The following HIP1 variants were observed in gnomAD, a reference collection of about 807,000 sequenced individuals.
The protein encoded by HIP1 is huntingtin-interacting protein 1.
In HIP1, 65 loss-of-function variants were observed where a neutral mutation model predicts 147.6. That is an observed-to-expected ratio of 0.44 (90% CI 0.36 to 0.54). HIP1 has a LOEUF of 0.54. Among genes scored for constraint, HIP1 ranks in the 20% least tolerant of loss-of-function variants. The pLI, the probability that HIP1 is intolerant of heterozygous loss-of-function variation, is 0.00. For missense variants in HIP1, 1,061 were observed against 1,299.6 expected (o/e 0.82, Z 2.82); for synonymous variants, 479 against 504.0 (o/e 0.95, Z 0.67).
intron 7 of HIP1, among the ~76,000 whole-genome samples, chr7:75,576,591 G>C (rs371067957): frequency 6.6e-6 from 1 of 152,064 alleles, no homozygotes; most frequent in Non-Finnish European, 1.5e-5. Flanking sequence ...GTGTGGTAGC[G>C]GGCACCTGTA....
chr7:75,682,852 C>T (rs952871164), intron 1 of HIP1, among the ~76,000 whole-genome samples: 1 of 152,176 alleles, frequency 6.6e-6, no homozygotes, highest in East Asian at 1.9e-4. Flanking sequence ...GCTGGAGGGA[C>T]TGTGTGCTAA....
intron 1 of HIP1, among the ~76,000 whole-genome samples, chr7:75,620,392 A>T (rs1554506836): frequency 1.3e-5 from 2 of 148,912 alleles, no homozygotes; most frequent in African/African-American, 5.0e-5. Context: ...TCTTTAAAAA[A>T]AAAAAAAAAA....
intron 1 of HIP1, among the ~76,000 whole-genome samples, chr7:75,647,944 G>A (rs1225913002): frequency 6.6e-6 from 1 of 152,280 alleles, no homozygotes; most frequent in Admixed American, 6.5e-5. Flanking sequence ...TCACTGAGCA[G>A]ATACACAGGG....
chr7:75,621,744 T>C (rs1261691679), intron 1 of HIP1, among the ~76,000 whole-genome samples: 1 of 152,126 alleles, frequency 6.6e-6, no homozygotes, highest in Non-Finnish European at 1.5e-5. Context: ...GGTCTCTGAA[T>C]TTATTTTGAA....
At chr7:75,650,552 A>G (rs1229399518) in intron 1 of HIP1, among the ~76,000 whole-genome samples, 2 of 149,952 alleles carry the variant, frequency 1.3e-5, no homozygotes, top group Non-Finnish European at 2.9e-5. Flanking sequence ...TCCTGGGTTC[A>G]AGGGATTTTC....
At chr7:75,612,999 G>A (rs587635208) in intron 1 of HIP1, among the ~76,000 whole-genome samples, 55 of 152,112 alleles carry the variant, frequency 3.6e-4, no homozygotes, top group African/African-American at 1.3e-3. Context: ...AGCTACTCAG[G>A]AGACTGAGGT....
intron 9 of HIP1, among the ~76,000 whole-genome samples, chr7:75,567,456 G>T (rs1795450137): frequency 6.6e-6 from 1 of 151,406 alleles, no homozygotes; most frequent in South Asian, 2.1e-4. Context: ...CCTAGCTATA[G>T]GTAGATTTGC....
At chr7:75,720,710 C>T (rs946764795) in intron 1 of HIP1, among the ~76,000 whole-genome samples, 33 of 152,138 alleles carry the variant, frequency 2.2e-4, no homozygotes, top group Non-Finnish European at 1.9e-4. Context: ...GATTTAGTGT[C>T]AAAAGGTTTT....
chr7:75,604,992 T>G (rs587743764), intron 1 of HIP1, among the ~76,000 whole-genome samples: 1 of 152,326 alleles, frequency 6.6e-6, no homozygotes, highest in South Asian at 2.1e-4. Context: ...AGTTCTGTGC[T>G]GTAGTGTTGA....
At chr7:75,640,179 AAC>A (rs568382320) in intron 1 of HIP1, among the ~76,000 whole-genome samples, 37 of 152,352 alleles carry the variant, frequency 2.4e-4, no homozygotes, top group Middle Eastern at 3.4e-3. Context: ...CTATAGTTTC[AAC>A]ACAGTCTGTC....
chr7:75,649,399 A>G (rs983845358), intron 1 of HIP1, among the ~76,000 whole-genome samples: 2 of 152,190 alleles, frequency 1.3e-5, no homozygotes, highest in Non-Finnish European at 2.9e-5. Context: ...CTAAATTACT[A>G]TTAGCAGTAG....
intron 5 of HIP1, among the ~76,000 whole-genome samples, chr7:75,583,756 T>G (rs868991723): frequency 3.1e-4 from 36 of 115,512 alleles, no homozygotes; most frequent in South Asian, 6.4e-4. Context: ...GCGGGCTAAT[T>G]TGTGTGTGTG....
rs1043131199 is a variant in HIP1 at position 75,538,206 on chromosome 7, G to T, written c.3080C>A (p.Pro1027His). The T allele has an allele frequency of 6.2e-7, 1 of 1,613,078 alleles. No individual in the cohort carries two copies. Among genetic ancestry groups the T allele is most frequent in the Non-Finnish European group, 8.5e-7 (1 of 1,179,200 alleles). Residue 1027 changes from proline to histidine, a missense_variant, in exon 31 of 31, where the codon CCT becomes CAT. Transcript: ENST00000336926. The stretch of plus-strand genomic sequence containing the variant: ...TTCGGTTACCACTTCTTGCAGTGTA[G>T]GTGGAGATGCCTCTGTTCCTAAAAG... ...GWEEGTEASPPTLQEVVTEKE is the reference protein window; with the variant it reads ...GWEEGTEASPHTLQEVVTEKE
chr7:75,662,269 G>A (rs1554513744), intron 1 of HIP1, among the ~76,000 whole-genome samples: 1 of 151,976 alleles, frequency 6.6e-6, no homozygotes, highest in African/African-American at 2.4e-5. Context: ...TGGCAGCCTG[G>A]AACTCCTGGG....
chr7:75,646,672 C>T (rs972747366), intron 1 of HIP1, among the ~76,000 whole-genome samples: 1 of 152,246 alleles, frequency 6.6e-6, no homozygotes, highest in Non-Finnish European at 1.5e-5. Flanking sequence ...CCACTTGGCA[C>T]AGCAAGGGCT....
intron 5 of HIP1, among the ~76,000 whole-genome samples, chr7:75,583,411 G>A (rs1796130340): frequency 6.6e-6 from 1 of 152,124 alleles, no homozygotes; most frequent in African/African-American, 2.4e-5. Context: ...GTCAGCTCGG[G>A]CAGTTATAAC....
At position 75,582,618 on chromosome 7, in the gene HIP1, T is replaced by C. The variant is rs900746225; in HGVS notation, c.466-467A>G. ...TGGGGTCAGGAATTAGAGACGAGGC[T>C]GGCCAACATGGCAAAACCCTGTCTC... On this transcript the variant is annotated intron_variant, in intron 5 of 30. Coordinates refer to ENST00000336926, the MANE Select transcript of HIP1 (RefSeq NM_005338.7). Among the ~76,000 whole-genome samples, 27 of 151,938 alleles carry C rather than the reference T, an allele frequency of 1.8e-4. 1 individual carries two copies. Among genetic ancestry groups the C allele is most frequent in the Non-Finnish European group, 5.9e-5 (4 of 67,980 alleles).
chr7:75,582,554 T>C (rs1222930955), intron 5 of HIP1, among the ~76,000 whole-genome samples: 2 of 152,132 alleles, frequency 1.3e-5, no homozygotes, highest in African/African-American at 2.4e-5. Flanking sequence ...CTCACACCTG[T>C]AATCCCAGCA....
chr7:75,715,957 G>C (rs2117364599), intron 1 of HIP1, among the ~76,000 whole-genome samples: 1 of 152,014 alleles, frequency 6.6e-6, no homozygotes, highest in Middle Eastern at 3.4e-3. Context: ...AGGGAACAGA[G>C]AGAGCCAGGC....
Sources: gnomAD v4.1 joint callset for allele counts (sites outside exome capture counted in the v4.1 genomes callset) on GRCh38, gnomAD v4.1.1 for gene constraint, MANE v1.5 for transcripts, NCBI Gene and HGNC (gene_info 2026-07-23, HGNC 2026-07-21) for gene names.